The following ATP6V0A1 variants were observed in gnomAD, a reference collection of about 807,000 sequenced individuals.
ATP6V0A1 encodes V-type proton ATPase 116 kDa subunit a 1.
Under a neutral mutation model 105.4 loss-of-function variants are expected in ATP6V0A1, and 43 were observed. That is an observed-to-expected ratio of 0.41 (90% CI 0.32 to 0.53). The LOEUF is 0.53. Ranked by LOEUF, ATP6V0A1 falls within the 20% of genes least tolerant of loss-of-function variation. ATP6V0A1 has a pLI of 0.30. For synonymous variants in ATP6V0A1, 362 were observed against 372.8 expected (o/e 0.97, Z 0.33); for missense variants, 676 against 1,051.1 (o/e 0.64, Z 4.93).
chr17:42,509,628 C>T (rs1015310557), intron 19 of ATP6V0A1, among the ~76,000 whole-genome samples: 2 of 152,218 alleles, frequency 1.3e-5, no homozygotes, highest in African/African-American at 2.4e-5. Flanking sequence ...ATGGGTGGGG[C>T]GTGCTCCATG....
chr17:42,476,787 A>G (rs940167403), intron 5 of ATP6V0A1, among the ~76,000 whole-genome samples: 1 of 152,064 alleles, frequency 6.6e-6, no homozygotes, highest in Non-Finnish European at 1.5e-5. Context: ...CATGAACTCT[A>G]GTTTGGTTTA....
intron 9 of ATP6V0A1, among the ~76,000 whole-genome samples, chr17:42,485,242 T>A (rs2089988277): frequency 6.6e-6 from 1 of 152,170 alleles, no homozygotes; most frequent in African/African-American, 2.4e-5. Context: ...CTTAACCTGT[T>A]TAAGCAGAGA....
chr17:42,507,832 G>A (rs2092122369), intron 18 of ATP6V0A1, among the ~76,000 whole-genome samples: 2 of 152,216 alleles, frequency 1.3e-5, no homozygotes, highest in East Asian at 3.8e-4. Flanking sequence ...AGAGCCCGCA[G>A]CAGTTTTGCT....
rs147200679 is a variant in ATP6V0A1, at chr17:42,479,640, G to T, written c.634-1027G>T. On this transcript the variant is annotated intron_variant, in intron 7 of 21. Transcript: ENST00000343619. ...TAAAAAGAGAGAGATTGAATTGTGA[G>T]ATTTCTCAGATTGGGTGGGCTGTGC... is the stretch of plus-strand genomic sequence containing the variant. 3.5e-3 allele frequency among the ~76,000 whole-genome samples: 532 copies of T among 152,298 alleles called. 2 individuals carry two copies. The highest frequency in any genetic ancestry group is 5.8e-3 in the Non-Finnish European group (394 of 68,028).
intron 5 of ATP6V0A1, among the ~76,000 whole-genome samples, chr17:42,473,012 C>T (rs1211411964): frequency 6.6e-6 from 1 of 152,152 alleles, no homozygotes; most frequent in African/African-American, 2.4e-5. Flanking sequence ...ATACATTCCT[C>T]ACTAATTTAA....
intron 11 of ATP6V0A1, among the ~76,000 whole-genome samples, chr17:42,492,666 AT>A (rs2090767843): frequency 7.0e-6 from 1 of 142,254 alleles, no homozygotes; most frequent in Non-Finnish European, 1.5e-5. Flanking sequence ...ATATTGCATT[AT>A]TGCACTCCAG....
intron 19 of ATP6V0A1, among the ~76,000 whole-genome samples, chr17:42,512,410 G>A (rs569963857): frequency 2.3e-4 from 35 of 152,324 alleles, no homozygotes; most frequent in Non-Finnish European, 3.8e-4. Context: ...ACTCCTGGGA[G>A]CCATGGACTT....
intron 18 of ATP6V0A1, among the ~76,000 whole-genome samples, chr17:42,508,243 A>G (rs981489269): frequency 2.0e-5 from 3 of 152,138 alleles, no homozygotes; most frequent in Admixed American, 6.6e-5. Context: ...ATTAAATCTC[A>G]TCTACTCATT....
At position 42,495,620 on chromosome 17, in the gene ATP6V0A1, T is replaced by C. The variant is rs375469024; in HGVS notation, c.1470-6T>C. 1.5e-5 allele frequency: 24 copies of C among 1,606,716 alleles called. No individual in the cohort carries two copies. In the African/African-American group the frequency reaches 1.7e-4, roughly 12 times the overall value. ...AAATAATGTGACTTTTTCCCTGTCA[T>C]GGTAGTGAAGAGACGCTTCGGGGGA... On this transcript the variant is annotated splice_polypyrimidine_tract_variant and splice_region_variant and intron_variant, in intron 13 of 21. Coordinates refer to ENST00000343619, the MANE Select transcript of ATP6V0A1 (RefSeq NM_001130021.3).
At position 42,466,600 on chromosome 17, in the gene ATP6V0A1, TATAAG is replaced by T. The variant is rs1297804862; in HGVS notation, c.196+95_196+99del. On this transcript the variant is annotated intron_variant, in intron 3 of 21. Transcript: ENST00000343619. ...TCCTCTTAATAGAGGAAGAAAATGT[TATAAG>T]AGAAAAGGGAAAAATCTTGCAGTTA... 5 of 1,127,074 alleles carry T rather than the reference TATAAG, an allele frequency of 4.4e-6. No individual in the cohort carries two copies. In the South Asian group the frequency reaches 4.6e-5, roughly 10 times the overall value. The allele number at this position is 1,127,074 out of a possible 1,614,324, so 69.8% of individuals were successfully genotyped here. A position where few individuals can be genotyped will look rare whatever the true frequency, so the allele number is the denominator to read the frequency against.
rs772295983 is a variant in ATP6V0A1, at chr17:42,501,309, G to A, written c.2004+5G>A. On this transcript the variant is annotated splice_donor_5th_base_variant and intron_variant, in intron 17 of 21. Transcript: ENST00000343619. ...TATTTGAGGAGAAAGCATTTGGTAG[G>A]TGTATTTCTATTGCTAAAAGTTACT... 1.9e-6 allele frequency: 3 copies of A among 1,607,680 alleles called. No homozygotes were observed. The highest frequency in any genetic ancestry group is 2.2e-5 in the South Asian group (2 of 90,690).
At chr17:42,496,030 C>A in intron 14 of ATP6V0A1, 1 of 179,624 alleles carries the variant, frequency 5.6e-6, no homozygotes, top group South Asian at 1.3e-4. Flanking sequence ...AAGCTGCACT[C>A]CAGCCTGTGT....
chr17:42,487,693 A>G (rs923970959), intron 10 of ATP6V0A1, among the ~76,000 whole-genome samples: 3 of 152,084 alleles, frequency 2.0e-5, no homozygotes, highest in East Asian at 1.9e-4. Flanking sequence ...GCGCCACTGC[A>G]TTCCAGCCTG....
At chr17:42,510,206 G>C (rs2092283784) in intron 19 of ATP6V0A1, 1 of 152,340 alleles carries the variant, frequency 6.6e-6, no homozygotes, top group Non-Finnish European at 1.5e-5. Context: ...TCTCCCCACT[G>C]TCTCCTCACC....
intron 2 of ATP6V0A1, among the ~76,000 whole-genome samples, chr17:42,466,201 A>G (rs1462596515): frequency 6.6e-6 from 1 of 152,176 alleles, no homozygotes; most frequent in Non-Finnish European, 1.5e-5. Context: ...TGTTTTACCT[A>G]ATTTGCCTCC....
chr17:42,485,378 T>A lies in ATP6V0A1; in HGVS notation c.811-1777T>A, dbSNP rs185204658. Among the ~76,000 whole-genome samples the A allele has an allele frequency of 5.3e-5, 8 of 152,356 alleles. No individual in the cohort carries two copies. In the East Asian group the frequency reaches 1.2e-3, roughly 22 times the overall value. ...GAGCATATGTGGTAGTCATTATAAC[T>A]GACCAGAATTTGATTTTTTAAAAAT... On this transcript the variant is annotated intron_variant, in intron 9 of 21. Transcript: ENST00000343619.
chr17:42,516,729 C>A (rs1003807698), intron 21 of ATP6V0A1, among the ~76,000 whole-genome samples: 1 of 152,206 alleles, frequency 6.6e-6, no homozygotes, highest in African/African-American at 2.4e-5. Flanking sequence ...CAGAAGATTG[C>A]TTCCTCCTCA....
chr17:42,487,464 A>C, intron 10 of ATP6V0A1, 97 bp downstream of exon 10: 59 of 1,234,558 alleles, frequency 4.8e-5, no homozygotes, highest in Non-Finnish European at 6.1e-5. Flanking sequence ...GCGGTGGCTC[A>C]TGCCTGTAAT....
Position 42,468,126 on chromosome 17 carries a change from A to G in ATP6V0A1, c.294+19A>G. On this transcript the variant is annotated intron_variant, in intron 4 of 21. Coordinates refer to ENST00000343619, the MANE Select transcript of ATP6V0A1 (RefSeq NM_001130021.3). ...CTTAGAGGTAAACACTTCTGGGAAAACCAGAAAAGTTTCTTTCTACTTGAA... is the reference window on the plus strand; with the variant it reads ...CTTAGAGGTAAACACTTCTGGGAAAGCCAGAAAAGTTTCTTTCTACTTGAA... 1 of 1,500,004 alleles carries G rather than the reference A, an allele frequency of 6.7e-7. No individual in the cohort carries two copies. Among genetic ancestry groups the G allele is most frequent in the Non-Finnish European group, 9.0e-7 (1 of 1,108,054 alleles). The allele number at this position is 1,500,004 out of a possible 1,614,324, so 92.9% of individuals were successfully genotyped here.
Sources: allele counts gnomAD v4.1 joint callset (sites outside exome capture counted in the v4.1 genomes callset), GRCh38; gene constraint gnomAD v4.1.1; transcripts MANE v1.5; gene names NCBI Gene and HGNC (gene_info 2026-07-23, HGNC 2026-07-21).